Variants in WDFY3 observed in about 807,000 individuals in gnomAD.
WDFY3 encodes the protein WD repeat and FYVE domain containing 3.
Under a neutral mutation model 409.6 loss-of-function variants are expected in WDFY3, and 66 were observed. That is an observed-to-expected ratio of 0.16 (90% CI 0.13 to 0.20). WDFY3 has a LOEUF of 0.20. WDFY3 is among the 10% of genes least tolerant of loss of function. The pLI, the probability that WDFY3 is intolerant of heterozygous loss-of-function variation, is 1.00. For missense variants in WDFY3, 3,031 were observed against 4,298.1 expected, an observed-to-expected ratio of 0.71 and a Z score of 8.24; for synonymous variants, 1,521 against 1,537.1, an observed-to-expected ratio of 0.99 and a Z score of 0.25.
chr4:84,868,662 T>C lies in WDFY3; in HGVS notation c.-31-8040A>G, dbSNP rs1761764944. 1.3e-5 allele frequency among the ~76,000 whole-genome samples: 2 copies of C among 152,168 alleles called. 1 individual carries two copies. Among genetic ancestry groups the C allele is most frequent in the South Asian group, 4.1e-4 (2 of 4,836 alleles). On this transcript the variant is annotated intron_variant, in intron 3 of 67. Coordinates refer to ENST00000295888, the MANE Select transcript of WDFY3 (RefSeq NM_014991.6). ...CAAAGCCAAAAGCAACTCACCTCCA[T>C]TTAAGAATATTTCACTTACATAAAA...
At chr4:84,862,929 T>A (rs1578868271) in intron 3 of WDFY3, among the ~76,000 whole-genome samples, 4 of 152,364 alleles carry the variant, frequency 2.6e-5, no homozygotes, top group Admixed American at 2.6e-4. Flanking sequence ...GACAATTTTA[T>A]AATCCACATG....
intron 5 of WDFY3, among the ~76,000 whole-genome samples, chr4:84,846,819 C>G (rs1758133221): frequency 6.6e-6 from 1 of 151,276 alleles, no homozygotes; most frequent in Admixed American, 6.6e-5. Context: ...ATTAGCAAAC[C>G]CTAGAATCTT....
intron 22 of WDFY3, 50 bp downstream of exon 22, chr4:84,789,674 CCA>C: frequency 6.7e-7 from 1 of 1,489,080 alleles, no homozygotes; most frequent in Non-Finnish European, 9.3e-7. Flanking sequence ...CACACACCCC[CCA>C]AACTACTACC....
chr4:84,949,623 A>G (rs999081144), intron 1 of WDFY3, among the ~76,000 whole-genome samples: 4 of 152,174 alleles, frequency 2.6e-5, no homozygotes, highest in Non-Finnish European at 5.9e-5. Context: ...TTCAATTTCT[A>G]ATTCTCTTTA....
At chr4:84,775,545 C>T (rs533784978) in intron 27 of WDFY3, among the ~76,000 whole-genome samples, 1 of 151,412 alleles carries the variant, frequency 6.6e-6, no homozygotes, top group South Asian at 2.1e-4. Flanking sequence ...AACTTGAAGA[C>T]ATAACAATAG....
Position 84,820,188 on chromosome 4 carries a change from TA to T in WDFY3, c.1592-3del. 32 of 1,600,820 alleles carry T rather than the reference TA, an allele frequency of 2.0e-5. No individual in the cohort carries two copies. Among genetic ancestry groups the T allele is most frequent in the East Asian group, 9.0e-5 (4 of 44,558 alleles). On this transcript the variant is annotated splice_region_variant and splice_polypyrimidine_tract_variant and intron_variant, in intron 11 of 67. Coordinates refer to ENST00000295888, the MANE Select transcript of WDFY3 (RefSeq NM_014991.6). ...CTGAACTATTATTTCTTGAGTCCCC[TA>T]AAAAAAGGTTCAAAGGTCCAAATTA... is the stretch of plus-strand genomic sequence containing the variant.
intron 51 of WDFY3, among the ~76,000 whole-genome samples, chr4:84,711,436 C>T (rs184271995): frequency 2.0e-4 from 30 of 152,032 alleles, no homozygotes; most frequent in African/African-American, 5.8e-4. Context: ...GCAAAAGATA[C>T]GGACAATTTA....
intron 18 of WDFY3, among the ~76,000 whole-genome samples, chr4:84,797,495 T>C (rs191424120): frequency 4.6e-5 from 7 of 152,196 alleles, no homozygotes; most frequent in Admixed American, 2.0e-4. Flanking sequence ...ATTTCAAATA[T>C]TCTCTTAGGG....
chr4:84,837,486 G>C (rs930373616), intron 6 of WDFY3, among the ~76,000 whole-genome samples: 2 of 151,258 alleles, frequency 1.3e-5, no homozygotes, highest in African/African-American at 4.9e-5. Flanking sequence ...TGGCTAACAT[G>C]AGAGTTATGT....
chr4:84,883,258 G>C (rs908320197), intron 3 of WDFY3, among the ~76,000 whole-genome samples: 9 of 152,058 alleles, frequency 5.9e-5, no homozygotes, highest in African/African-American at 2.2e-4. Context: ...AAATGCCTTT[G>C]GGGAAGAATC....
chr4:84,786,043 G>A lies in WDFY3; in HGVS notation c.3998C>T (p.Ser1333Phe). ...SFGLYALSVS[S>F]LTVARIRKVY... ...TTTCCGGATTCTTGCCACTGTTAGA[G>A]ACGACACAGAGAGTGCATAGAGGCC... Residue 1333 changes from serine (S) to phenylalanine (F), a missense_variant, in exon 24 of 68, where the codon TCT becomes TTT. Around this residue, in one of 16 missense-constraint regions of WDFY3, gnomAD observed 1,322 missense variants for 1,697.9 expected, o/e 0.78. Coordinates refer to ENST00000295888, the MANE Select transcript of WDFY3 (RefSeq NM_014991.6). 6.2e-7 allele frequency: 1 copy of A among 1,614,002 alleles called. No individual in the cohort carries two copies. Among genetic ancestry groups the A allele is most frequent in the Non-Finnish European group, 8.5e-7 (1 of 1,179,946 alleles).
intron 35 of WDFY3, among the ~76,000 whole-genome samples, chr4:84,752,145 T>C (rs533224115): frequency 6.6e-6 from 1 of 151,358 alleles, no homozygotes; most frequent in South Asian, 2.1e-4. Context: ...AAACCCCAAA[T>C]AAATTTAAAA....
chr4:84,873,273 C>A (rs1446930987), intron 3 of WDFY3, among the ~76,000 whole-genome samples: 1 of 152,190 alleles, frequency 6.6e-6, no homozygotes, highest in Non-Finnish European at 1.5e-5. Flanking sequence ...AGACCACACT[C>A]TGTGCTATAA....
chr4:84,712,373 TAAAAA>T (rs998951453), intron 51 of WDFY3, among the ~76,000 whole-genome samples: 2 of 75,104 alleles, frequency 2.7e-5, no homozygotes, highest in African/African-American at 1.0e-4. Flanking sequence ...AGAAAAAAAT[TAAAAA>T]AAAAAAAAAA....
At chr4:84,863,060 ATAT>A (rs958784002) in intron 3 of WDFY3, among the ~76,000 whole-genome samples, 1 of 152,184 alleles carries the variant, frequency 6.6e-6, no homozygotes, top group African/African-American at 2.4e-5. Flanking sequence ...AGGACGAATA[ATAT>A]TCCACTCTGT....
At position 84,692,983 on chromosome 4, in the gene WDFY3, C is replaced by A. The variant is rs1171132133; in HGVS notation, c.8951G>T (p.Gly2984Val). ...PPKRVRSRLN[G>V]DNAGISVLPG... ...TAGGACAGAGATTCCTGCATTGTCT[C>A]CATTGAGTCGACTTCTCACTCGCTT... is the stretch of plus-strand genomic sequence containing the variant. The change falls in exon 59 of 68, where the codon GGA becomes GTA. Residue 2984 changes from glycine to valine, a missense_variant. Physicochemically the swap from Gly to Val is moderately radical, Grantham distance 109. This residue lies in a region of WDFY3 where 152 missense variants were observed against 193.5 expected (regional missense o/e 0.79). Coordinates refer to ENST00000295888, the MANE Select transcript of WDFY3 (RefSeq NM_014991.6). The A allele has an allele frequency of 6.2e-7, 1 of 1,611,988 alleles. No individual in the cohort carries two copies. The highest frequency in any genetic ancestry group is 8.5e-7 in the Non-Finnish European group (1 of 1,179,696).
At chr4:84,817,625 A>G in intron 12 of WDFY3, 40 bp from the exon 13 acceptor site, 1 of 1,529,138 alleles carries the variant, frequency 6.5e-7, no homozygotes, top group African/African-American at 1.4e-5. Flanking sequence ...GGCTACTTTA[A>G]AATATTCTGA....
intron 3 of WDFY3, among the ~76,000 whole-genome samples, chr4:84,867,786 A>G (rs1761602476): frequency 6.6e-6 from 1 of 152,204 alleles, no homozygotes; most frequent in Non-Finnish European, 1.5e-5. Flanking sequence ...TTAATTATAT[A>G]AGCGAAGAAA....
intron 32 of WDFY3, among the ~76,000 whole-genome samples, chr4:84,764,921 T>C (rs1360293764): frequency 2.6e-5 from 4 of 151,658 alleles, no homozygotes; most frequent in Non-Finnish European, 5.9e-5. Context: ...TTTAAAGAAG[T>C]AGTACAGGCA....
Sources: allele counts gnomAD v4.1 joint callset (sites outside exome capture counted in the v4.1 genomes callset), GRCh38; gene constraint gnomAD v4.1.1; regional missense constraint gnomAD v4.1.1; transcripts MANE v1.5; gene names NCBI Gene and HGNC (gene_info 2026-07-23, HGNC 2026-07-21).